Variants in MTA3 observed in about 807,000 individuals in gnomAD.
The protein encoded by MTA3 is metastasis associated 1 family member 3.
In MTA3, 34 loss-of-function variants were observed where a neutral mutation model predicts 83.5. The ratio of observed to expected loss-of-function variants is 0.41; its 90% CI spans 0.31 to 0.54. MTA3 has a LOEUF of 0.54. Among genes scored for constraint, MTA3 ranks in the 20% least tolerant of loss-of-function variants. The pLI is 0.33. For missense variants in MTA3, 761 were observed against 726.4 expected (o/e 1.05, Z -0.55); for synonymous variants, 303 against 252.7 (o/e 1.20, Z -1.89).
chr2:42,559,465 A>G (rs1248556695), intron 2 of MTA3, among the ~76,000 whole-genome samples: 1 of 151,054 alleles, frequency 6.6e-6, no homozygotes, highest in African/African-American at 2.4e-5. Flanking sequence ...TCATGCCACA[A>G]CACTCCAGCC....
intron 3 of MTA3, among the ~76,000 whole-genome samples, chr2:42,594,730 T>G (rs187744200): frequency 7.1e-5 from 1 of 14,048 alleles, no homozygotes; most frequent in Non-Finnish European, 1.3e-4. Flanking sequence ...ATATATATAT[T>G]TTTTTTTTTT....
intron 4 of MTA3, among the ~76,000 whole-genome samples, chr2:42,616,323 A>G (rs1029201947): frequency 4.0e-5 from 6 of 151,844 alleles, no homozygotes; most frequent in East Asian, 1.9e-4. Flanking sequence ...TTGGCCTCCC[A>G]AAGTGTTGGG....
intron 4 of MTA3, among the ~76,000 whole-genome samples, chr2:42,612,032 T>C (rs1684285058): frequency 6.6e-6 from 1 of 152,172 alleles, no homozygotes; most frequent in African/African-American, 2.4e-5. Flanking sequence ...CTGTATAACT[T>C]AAGTCATTTG....
intron 2 of MTA3, among the ~76,000 whole-genome samples, chr2:42,527,052 C>CAA (rs34030475): frequency 0.31 from 13,414 of 43,626 alleles, 1,823 homozygotes; most frequent in East Asian, 0.33. Flanking sequence ...GACTCTGTCT[C>CAA]AAAAAAAAAA....
In MTA3 at chr2:42,687,949, A is replaced by T. The variant is rs150823390; in HGVS notation, c.891+5360A>T. Among the ~76,000 whole-genome samples the T allele has an allele frequency of 5.1e-4, 78 of 152,332 alleles. 2 individuals carry two copies. The East Asian group carries it at 0.015, about 29-fold the overall frequency. ...AAGAAAGCCTTAGTTTCTGCAGAAC[A>T]TGCATACCATCAGGGTCAAAGGCAG... On this transcript the variant is annotated intron_variant, in intron 9 of 16. Transcript: ENST00000405094.
intron 6 of MTA3, among the ~76,000 whole-genome samples, chr2:42,650,091 G>A (rs1457523469): frequency 6.6e-6 from 1 of 152,102 alleles, no homozygotes; most frequent in Non-Finnish European, 1.5e-5. Context: ...ACAATGTAGT[G>A]GATAGTCGTT....
intron 3 of MTA3, among the ~76,000 whole-genome samples, chr2:42,586,950 G>A (rs1401068766): frequency 6.6e-6 from 1 of 152,162 alleles, no homozygotes; most frequent in Admixed American, 6.6e-5. Context: ...TTGAACCCGG[G>A]AGGTGGAGGT....
chr2:42,577,606 G>A (rs371438037), intron 2 of MTA3, among the ~76,000 whole-genome samples: 2 of 151,584 alleles, frequency 1.3e-5, no homozygotes, highest in Non-Finnish European at 1.5e-5. Context: ...TCAGCCTCCC[G>A]AGTAGCTGGG....
At chr2:42,647,950 C>G (rs1318523735) in intron 6 of MTA3, among the ~76,000 whole-genome samples, 2 of 152,108 alleles carry the variant, frequency 1.3e-5, no homozygotes, top group African/African-American at 4.8e-5. Flanking sequence ...GCAATTTTCT[C>G]CTGCATCAGC....
intron 14 of MTA3, among the ~76,000 whole-genome samples, chr2:42,714,111 T>C (rs1323647373): frequency 6.6e-6 from 1 of 152,226 alleles, no homozygotes. Context: ...AATTGACAGA[T>C]GACAAGTTAT....
intron 12 of MTA3, among the ~76,000 whole-genome samples, chr2:42,705,149 C>T (rs1665963785): frequency 6.6e-6 from 1 of 152,072 alleles, no homozygotes; most frequent in South Asian, 2.1e-4. Context: ...ACGATTACGT[C>T]GATTGATCCC....
intron 2 of MTA3, among the ~76,000 whole-genome samples, chr2:42,541,553 T>C (rs929334881): frequency 3.3e-5 from 5 of 152,194 alleles, no homozygotes; most frequent in Non-Finnish European, 5.9e-5. Flanking sequence ...TGTAGACTAC[T>C]ATGTGTTCTG....
At chr2:42,721,084 G>A (rs1397068401) in intron 15 of MTA3, among the ~76,000 whole-genome samples, 1 of 151,708 alleles carries the variant, frequency 6.6e-6, no homozygotes, top group Non-Finnish European at 1.5e-5. Flanking sequence ...CCCAGACTGT[G>A]CTGTTCTTAC....
At chr2:42,512,167 A>G (rs1016940670) in intron 2 of MTA3, among the ~76,000 whole-genome samples, 10 of 146,950 alleles carry the variant, frequency 6.8e-5, no homozygotes, top group African/African-American at 2.3e-4. Context: ...TTGTTTTTAT[A>G]CTAGAGATCA....
chr2:42,560,125 C>T (rs945225896), intron 2 of MTA3, among the ~76,000 whole-genome samples: 16 of 151,982 alleles, frequency 1.1e-4, no homozygotes, highest in African/African-American at 3.1e-4. Context: ...CAGGTGCAAG[C>T]GATTCTCCCG....
At chr2:42,574,898 T>C (rs964296030) in intron 2 of MTA3, among the ~76,000 whole-genome samples, 1 of 152,232 alleles carries the variant, frequency 6.6e-6, no homozygotes. Context: ...GTGAAGAGAA[T>C]GGCCTCAAGT....
chr2:42,707,630 A>G (rs1254983184), intron 12 of MTA3, among the ~76,000 whole-genome samples: 1 of 152,132 alleles, frequency 6.6e-6, no homozygotes, highest in Non-Finnish European at 1.5e-5. Context: ...AACAAAACAA[A>G]AACTCCCTCA....
At chr2:42,628,772 C>CT (rs1362469763) in intron 4 of MTA3, among the ~76,000 whole-genome samples, 643 of 37,388 alleles carry the variant, frequency 0.017, 2 homozygotes, top group African/African-American at 0.048. Context: ...CATTTCCACC[C>CT]TTTTTTTTTT....
intron 9 of MTA3, among the ~76,000 whole-genome samples, chr2:42,684,359 C>G (rs1168623079): frequency 1.3e-5 from 2 of 152,176 alleles, no homozygotes; most frequent in South Asian, 2.1e-4. Context: ...TTATTACTTA[C>G]CAATATGGGC....
Sources: gnomAD v4.1 joint callset for allele counts (sites outside exome capture counted in the v4.1 genomes callset) on GRCh38, gnomAD v4.1.1 for gene constraint, MANE v1.5 for transcripts, NCBI Gene and HGNC (gene_info 2026-07-23, HGNC 2026-07-21) for gene names.